Variants in PUF60 observed in about 807,000 individuals in gnomAD.
PUF60 encodes poly(U) binding splicing factor 60, also known as poly(U)-binding-splicing factor PUF60.
In PUF60, 10 loss-of-function variants were observed where a neutral mutation model predicts 61.8. That is an observed-to-expected ratio of 0.16 (90% CI 0.10 to 0.27). The LOEUF (loss-of-function observed/expected upper bound fraction) is 0.27. PUF60 is among the 10% of genes least tolerant of loss of function. The probability of loss-of-function intolerance (pLI) is 1.00; values close to 1 mark genes in which losing one functional copy is unlikely to be tolerated. For synonymous variants in PUF60, 353 were observed against 300.9 expected, an observed-to-expected ratio of 1.17 and a Z score of -1.79; for missense variants, 371 against 754.0, an observed-to-expected ratio of 0.49 and a Z score of 5.95.
intron 1 of PUF60, among the ~76,000 whole-genome samples, chr8:143,828,151 T>C (rs1817851655): frequency 6.6e-6 from 1 of 152,172 alleles, no homozygotes; most frequent in South Asian, 2.1e-4. Flanking sequence ...GCAAGCTGGG[T>C]ATCTTGTGTA....
At chr8:143,828,238 A>G (rs1370435877) in intron 1 of PUF60, among the ~76,000 whole-genome samples, 4 of 152,296 alleles carry the variant, frequency 2.6e-5, no homozygotes, top group East Asian at 1.9e-4. Flanking sequence ...GGGCCTGGCA[A>G]TGGCAGTCTA....
chr8:143,818,517 C>T lies in PUF60; in HGVS notation c.366G>A (p.Gln122=). 1 of 1,598,888 alleles carries T rather than the reference C, an allele frequency of 6.3e-7. No individual in the cohort carries two copies. The highest frequency in any genetic ancestry group is 1.1e-5 in the South Asian group (1 of 89,010). ...SPLQSMAAQR[Q]RALAIMCRVY... is the part of the protein sequence containing the mutation. ...CGCGGCACATGATGGCCAGCGCCCG[C>T]TGCCGCTGAGCCGCCATCTGCAGCA... Residue 122 remains glutamine (Q), a synonymous_variant, in exon 6 of 12, where the codon CAG becomes CAA. Transcript: ENST00000526683. This position sits in a 1 kb window ranked among gnomAD's most constrained non-coding sequence, Gnocchi z 7.9.
At chr8:143,821,010 G>A (rs913929205) in intron 4 of PUF60, among the ~76,000 whole-genome samples, 1 of 152,230 alleles carries the variant, frequency 6.6e-6, no homozygotes, top group South Asian at 2.1e-4. Flanking sequence ...TCCTGGTAGC[G>A]TGAATGTCTG....
At chr8:143,821,744 C>A in intron 3 of PUF60, 58 bp from the exon 4 acceptor site, 1 of 1,544,814 alleles carries the variant, frequency 6.5e-7, no homozygotes, top group Non-Finnish European at 8.7e-7. Flanking sequence ...ACAGGCCTGC[C>A]CCGCACCCCG....
chr8:143,827,185 G>A (rs1463234427), intron 1 of PUF60: 1 of 337,120 alleles, frequency 3.0e-6, no homozygotes, highest in Non-Finnish European at 5.8e-6. Context: ...GAAAGCACAG[G>A]ATAAGAAAGG....
At chr8:143,823,438 A>G (rs1363583304) in intron 2 of PUF60, among the ~76,000 whole-genome samples, 2 of 152,212 alleles carry the variant, frequency 1.3e-5, no homozygotes, top group East Asian at 1.9e-4. Context: ...CAACCCCCTC[A>G]GCCCCCAGAC....
rs1816455029 is a variant in PUF60 at position 143,817,292 on chromosome 8, G to A, written c.1144+39C>T. ...AGGGCAGCGAGCCGAGAGATGCCAG[G>A]ACAGGAGAGGAGAGGATCTGGTACC... On this transcript the variant is annotated intron_variant, in intron 10 of 11. Transcript: ENST00000526683. The surrounding 1 kb of genome is among the most constrained non-coding windows in gnomAD (Gnocchi z 7.4). The A allele has an allele frequency of 6.4e-7, 1 of 1,567,648 alleles. No individual in the cohort carries two copies. Among genetic ancestry groups the A allele is most frequent in the Non-Finnish European group, 8.6e-7 (1 of 1,160,178 alleles).
intron 2 of PUF60, chr8:143,822,868 C>G (rs568367521): frequency 9.5e-6 from 3 of 316,876 alleles, no homozygotes; most frequent in South Asian, 7.7e-5. Context: ...GCCCACCAAC[C>G]GGGCCCTCCG....
intron 2 of PUF60, chr8:143,822,491 A>G (rs745526606): frequency 8.8e-6 from 4 of 456,570 alleles, no homozygotes; most frequent in South Asian, 6.2e-5. Flanking sequence ...CACACCTCCC[A>G]GAGAACACAG....
intron 2 of PUF60, among the ~76,000 whole-genome samples, chr8:143,822,309 G>C (rs565161115): frequency 1.3e-5 from 2 of 152,302 alleles, no homozygotes; most frequent in African/African-American, 4.8e-5. Flanking sequence ...AAGGGCCACG[G>C]CTCTCTGGAC....
At chr8:143,824,268 G>GGGCA in intron 2 of PUF60, 45 bp downstream of exon 2, 1 of 1,464,748 alleles carries the variant, frequency 6.8e-7, no homozygotes, top group Non-Finnish European at 9.2e-7. Flanking sequence ...GCGGGCGGGC[G>GGGCA]GGCAGGCGGG....
intron 2 of PUF60, chr8:143,822,696 T>C: frequency 2.5e-6 from 1 of 397,862 alleles, no homozygotes; most frequent in Admixed American, 2.9e-5. Flanking sequence ...ACCAGGATTA[T>C]GTTTACGTCC....
rs367837440 is a variant in PUF60 at position 143,821,583 on chromosome 8, C to T, written c.297+14G>A. ...GTGGTGGGGAGGGCGGTAGAGGCTC[C>T]GGCCGGGGCTCACCTGCAGGTTGGT... On this transcript the variant is annotated intron_variant, in intron 4 of 11. Transcript: ENST00000526683. 40 of 1,538,402 alleles carry T rather than the reference C, an allele frequency of 2.6e-5. No homozygotes were observed. Among genetic ancestry groups the T allele is most frequent in the Admixed American group, 9.8e-5 (5 of 50,984 alleles).
At chr8:143,823,545 C>T (rs1817266833) in intron 2 of PUF60, among the ~76,000 whole-genome samples, 1 of 152,282 alleles carries the variant, frequency 6.6e-6, no homozygotes, top group African/African-American at 2.4e-5. Context: ...GAGCACCAGC[C>T]CCCACATCTC....
chr8:143,817,527 T>A lies in PUF60; in HGVS notation c.1009-61A>T, dbSNP rs1816492672. ...TCTGGCTACTCAAGACCACCTTGAA[T>A]CAGTCTCCAAGGAATCAGGGGCCAG... On this transcript the variant is annotated intron_variant, in intron 9 of 11. Coordinates refer to ENST00000526683, the MANE Select transcript of PUF60 (RefSeq NM_078480.3). This position sits in a 1 kb window ranked among gnomAD's most constrained non-coding sequence, Gnocchi z 7.4. 8 of 1,608,168 alleles carry A rather than the reference T, an allele frequency of 5.0e-6. No individual in the cohort carries two copies. Among genetic ancestry groups the A allele is most frequent in the Non-Finnish European group, 6.8e-6 (8 of 1,179,034 alleles).
intron 4 of PUF60, 134 bp from the exon 5 acceptor site, chr8:143,820,850 C>A: frequency 1.2e-6 from 1 of 855,338 alleles, no homozygotes; most frequent in Non-Finnish European, 1.9e-6. Context: ...TCCCACACTG[C>A]CGGCCGCCAG....
intron 1 of PUF60, among the ~76,000 whole-genome samples, chr8:143,826,587 C>G (rs1241512288): frequency 6.6e-6 from 1 of 152,120 alleles, no homozygotes; most frequent in African/African-American, 2.4e-5. Context: ...TGGTGGCAAG[C>G]ACCTGTAATC....
chr8:143,825,632 G>A (rs1178031897), intron 1 of PUF60, among the ~76,000 whole-genome samples: 3 of 152,056 alleles, frequency 2.0e-5, no homozygotes, highest in Admixed American at 6.5e-5. Context: ...CCAGGCATGC[G>A]CCGCCACACC....
At position 143,817,500 on chromosome 8, in the gene PUF60, G is replaced by C; in HGVS notation, c.1009-34C>G. On this transcript the variant is annotated intron_variant, in intron 9 of 11. Transcript: ENST00000526683. The surrounding 1 kb of genome is among the most constrained non-coding windows in gnomAD (Gnocchi z 7.4). ...CAAAAGGTCACCGTGCTCAGTCCCT[G>C]GTCTGGCTACTCAAGACCACCTTGA... is the stretch of plus-strand genomic sequence containing the variant. The C allele has an allele frequency of 6.2e-7, 1 of 1,609,266 alleles. No individual in the cohort carries two copies. Among genetic ancestry groups the C allele is most frequent in the Non-Finnish European group, 8.5e-7 (1 of 1,179,044 alleles).
Sources: gnomAD v4.1 joint callset for allele counts (sites outside exome capture counted in the v4.1 genomes callset) on GRCh38, gnomAD v4.1.1 for gene constraint, Gnocchi (gnomAD v3.1) non-coding constraint, MANE v1.5 for transcripts, NCBI Gene and HGNC (gene_info 2026-07-23, HGNC 2026-07-21) for gene names.